TLK2: variants seen among roughly 807,000 people sequenced by gnomAD.
TLK2 encodes serine/threonine-protein kinase tousled-like 2.
In TLK2, 6 loss-of-function variants were observed where a neutral mutation model predicts 117.3. That is an observed-to-expected ratio of 0.05 (90% CI 0.03 to 0.10). The LOEUF is 0.10. Ranked by LOEUF, TLK2 falls within the 10% of genes least tolerant of loss-of-function variation. TLK2 has a pLI of 1.00. For synonymous variants in TLK2, 257 were observed against 316.7 expected, an observed-to-expected ratio of 0.81 and a Z score of 2.00; for missense variants, 299 against 901.2, an observed-to-expected ratio of 0.33 and a Z score of 8.56.
intron 2 of TLK2, among the ~76,000 whole-genome samples, chr17:62,514,465 A>AT (rs142260339): frequency 1.3e-5 from 2 of 151,734 alleles, no homozygotes; most frequent in Non-Finnish European, 1.5e-5. Flanking sequence ...AAAAAAAAAA[A>AT]TTTGGATAAA....
At chr17:62,584,943 G>C (rs1408708626) in intron 15 of TLK2, among the ~76,000 whole-genome samples, 2 of 152,222 alleles carry the variant, frequency 1.3e-5, no homozygotes, top group African/African-American at 4.8e-5. Flanking sequence ...TGTTGAAACT[G>C]AAGTAGTAAG....
At chr17:62,566,117 C>G (rs1212181039) in intron 11 of TLK2, among the ~76,000 whole-genome samples, 1 of 152,088 alleles carries the variant, frequency 6.6e-6, no homozygotes, top group Admixed American at 6.5e-5. Context: ...GTGTGACTAG[C>G]TACCGTTAGC....
intron 2 of TLK2, among the ~76,000 whole-genome samples, chr17:62,513,318 C>CT (rs35309536): frequency 0.39 from 39,252 of 99,794 alleles, 8,432 homozygotes; most frequent in South Asian, 0.55. Context: ...ATTAAATTGC[C>CT]TTTTTTTTTT....
chr17:62,612,211 T>G, intron 21 of TLK2, 181 bp from the exon 22 acceptor site: 1 of 562,530 alleles, frequency 1.8e-6, no homozygotes. Context: ...GGTACTTCTG[T>G]TGGTGCTTCT....
chr17:62,536,940 C>G (rs1205190122), intron 7 of TLK2, among the ~76,000 whole-genome samples: 1 of 152,180 alleles, frequency 6.6e-6, no homozygotes, highest in African/African-American at 2.4e-5. Context: ...AGTTTGACCT[C>G]ATTTCATAAG....
chr17:62,588,563 G>T (rs529120875), intron 16 of TLK2, among the ~76,000 whole-genome samples: 1 of 152,326 alleles, frequency 6.6e-6, no homozygotes, highest in South Asian at 2.1e-4. Context: ...CATCTGAGGA[G>T]GGGGCATTTC....
At chr17:62,472,523 G>A (rs1315734542) in intron 1 of TLK2, among the ~76,000 whole-genome samples, 1 of 151,946 alleles carries the variant, frequency 6.6e-6, no homozygotes, top group Non-Finnish European at 1.5e-5. Context: ...TGGATCACGA[G>A]GTCGGGAGAT....
chr17:62,485,978 G>A (rs1460388619), intron 2 of TLK2, among the ~76,000 whole-genome samples: 4 of 150,022 alleles, frequency 2.7e-5, no homozygotes, highest in Admixed American at 6.7e-5. Context: ...CTGCCACCAC[G>A]CACAGCTAAT....
chr17:62,472,037 C>G (rs1003589869), intron 1 of TLK2, among the ~76,000 whole-genome samples: 14 of 151,150 alleles, frequency 9.3e-5, no homozygotes, highest in Admixed American at 7.9e-4. Context: ...TCCCAAGTAG[C>G]TGGGACTACA....
In TLK2 at chr17:62,472,906, C is replaced by T. The variant is rs147546462; in HGVS notation, c.-205+1828C>T. On this transcript the variant is annotated intron_variant, in intron 1 of 4. Transcript: ENST00000579450. ...TCCTGACCACAGGTCACTTGAAATGCCCTGTAATTCAGAAACAGTGGCTGT... is the reference window on the plus strand; with the variant it reads ...TCCTGACCACAGGTCACTTGAAATGTCCTGTAATTCAGAAACAGTGGCTGT... Among the ~76,000 whole-genome samples the T allele has an allele frequency of 3.2e-3, 490 of 152,256 alleles. 5 individuals carry two copies. The highest frequency in any genetic ancestry group is 0.011 in the African/African-American group (454 of 41,530).
At chr17:62,476,169 G>C (rs7406820), upstream of TLK2, among the ~76,000 whole-genome samples, 3 of 151,408 alleles carry the variant, frequency 2.0e-5, 1 homozygote, top group Admixed American at 1.3e-4. Flanking sequence ...TAGTAGACAC[G>C]GGGTTTCACC....
intron 2 of TLK2, among the ~76,000 whole-genome samples, chr17:62,498,439 T>C (rs1263858918): frequency 6.6e-6 from 1 of 150,928 alleles, no homozygotes; most frequent in African/African-American, 2.4e-5. Flanking sequence ...GCCCAGGCTG[T>C]AGTGCAGTGG....
chr17:62,576,532 C>T (rs2080800061), intron 12 of TLK2, among the ~76,000 whole-genome samples, 177 bp from the exon 13 acceptor site: 1 of 152,166 alleles, frequency 6.6e-6, no homozygotes, highest in Non-Finnish European at 1.5e-5. Flanking sequence ...CCTCACATCA[C>T]ATCTGGTAAA....
At chr17:62,589,502 G>A (rs1054995410) in intron 16 of TLK2, among the ~76,000 whole-genome samples, 3 of 152,158 alleles carry the variant, frequency 2.0e-5, no homozygotes, top group South Asian at 2.1e-4. Flanking sequence ...GTTGAACATG[G>A]CTCAGTCATT....
At chr17:62,532,472 T>C (rs1313682885) in intron 6 of TLK2, among the ~76,000 whole-genome samples, 1 of 152,236 alleles carries the variant, frequency 6.6e-6, no homozygotes, top group Non-Finnish European at 1.5e-5. Context: ...ACTCTACTCA[T>C]AGATTCAAAA....
At chr17:62,479,699 C>G (rs2071384759) in intron 1 of TLK2, among the ~76,000 whole-genome samples, 1 of 152,332 alleles carries the variant, frequency 6.6e-6, no homozygotes, top group East Asian at 1.9e-4. Flanking sequence ...CTGTGGGCTG[C>G]AGGGAGGATC....
At chr17:62,472,137 AC>A (rs2070954553) in intron 1 of TLK2, among the ~76,000 whole-genome samples, 2 of 150,586 alleles carry the variant, frequency 1.3e-5, no homozygotes, top group African/African-American at 2.4e-5. Context: ...TGATCTCCTG[AC>A]CTCGTGATCC....
chr17:62,587,925 C>T (rs1268690892), intron 16 of TLK2, among the ~76,000 whole-genome samples: 1 of 151,436 alleles, frequency 6.6e-6, no homozygotes, highest in African/African-American at 2.4e-5. Context: ...TAAAAATGCC[C>T]TGTAGGGCAT....
intron 16 of TLK2, among the ~76,000 whole-genome samples, chr17:62,591,479 C>T (rs767296628): frequency 9.2e-5 from 14 of 152,000 alleles, no homozygotes; most frequent in Non-Finnish European, 1.5e-4. Flanking sequence ...GTGCCGAAAC[C>T]GAAGCTCAGA....
Sources: allele counts gnomAD v4.1 joint callset (sites outside exome capture counted in the v4.1 genomes callset), GRCh38; gene constraint gnomAD v4.1.1; transcripts MANE v1.5; gene names NCBI Gene and HGNC (gene_info 2026-07-23, HGNC 2026-07-21).